Variants in CA9 observed in about 807,000 individuals in gnomAD.
The protein encoded by CA9 is CA-IX.
CA9 carries 43 observed loss-of-function variants against 51.8 expected under a neutral mutation model. The ratio of observed to expected loss-of-function variants is 0.83; its 90% confidence interval spans 0.65 to 1.07. The LOEUF is 1.07. Among genes scored for constraint, CA9 ranks in the 50% least tolerant of loss-of-function variants. CA9 has a pLI of 0.00. For synonymous variants in CA9, 253 were observed against 244.2 expected (o/e 1.04, Z -0.34); for missense variants, 574 against 581.4 (o/e 0.99, Z 0.13).
chr9:35,674,241 T>A lies in CA9; in HGVS notation c.282T>A (p.Asp94Glu). Residue 94 changes from aspartate to glutamate, a missense_variant, in exon 1 of 11, where the codon GAT becomes GAA. Coordinates refer to ENST00000378357, the MANE Select transcript of CA9 (RefSeq NM_001216.3). ...AGGAGGATCTACCTGGAGAGGAGGA[T>A]CTACCTGAAGTTAAGCCTAAATCAG... ...PGEEDLPGEE[D>E]LPEVKPKSEE... is the part of the protein sequence containing the mutation. 1.2e-6 allele frequency: 2 copies of A among 1,614,096 alleles called. No individual in the cohort carries two copies. The highest frequency in any genetic ancestry group is 1.7e-6 in the Non-Finnish European group (2 of 1,179,998).
Position 35,675,192 on chromosome 9 carries a change from C to A in CA9, c.404-346C>A, listed in dbSNP as rs1484855911. On this transcript the variant is annotated intron_variant, in intron 1 of 10. Coordinates refer to ENST00000378357, the MANE Select transcript of CA9 (RefSeq NM_001216.3). ...TATTTTTAGTAGAGACGGGGTTTCG[C>A]CATGTTGGTCAGGCTGGTCTCGAAC... 2 of 276,730 alleles carry A rather than the reference C, an allele frequency of 7.2e-6. 1 individual carries two copies. The highest frequency in any genetic ancestry group is 1.4e-5 in the Non-Finnish European group (2 of 146,054). The allele number at this position is 276,730 out of a possible 1,614,324, so 17.1% of individuals were successfully genotyped here.
chr9:35,676,438 C>A, intron 5 of CA9, 49 bp downstream of exon 5: 1 of 1,452,686 alleles, frequency 6.9e-7, no homozygotes, highest in Non-Finnish European at 9.6e-7. Flanking sequence ...ATCCCATGCT[C>A]CTCCCGGACT....
chr9:35,676,454 G>C, intron 5 of CA9, 65 bp downstream of exon 5: 1 of 1,342,370 alleles, frequency 7.4e-7, no homozygotes, highest in South Asian at 1.3e-5. Context: ...GGACTCTATC[G>C]TGGAGCCAGA....
intron 7 of CA9, 107 bp from the exon 8 acceptor site, chr9:35,679,747 A>T: frequency 9.6e-7 from 1 of 1,039,908 alleles, no homozygotes; most frequent in Non-Finnish European, 1.4e-6. Context: ...GATGGGGAAT[A>T]CAGGAGCTGG....
At chr9:35,679,448 C>T (rs887314808) in intron 7 of CA9, 106 bp downstream of exon 7, 52 of 1,384,570 alleles carry the variant, frequency 3.8e-5, no homozygotes, top group Middle Eastern at 2.3e-4. Flanking sequence ...CTGTGGCTTA[C>T]GCCTATAATC....
chr9:35,677,784 C>T lies in CA9; in HGVS notation c.841-6C>T. 2.5e-6 allele frequency: 4 copies of T among 1,613,290 alleles called. No homozygotes were observed. The highest frequency in any genetic ancestry group is 3.4e-6 in the Non-Finnish European group (4 of 1,179,212). ...CACTCATCTGTCTTACAATGTCATC[C>T]CCCAGGAGGGCCCGGAAGAAAACAG... On this transcript the variant is annotated splice_polypyrimidine_tract_variant and splice_region_variant and intron_variant, in intron 5 of 10. Transcript: ENST00000378357.
chr9:35,675,658 T>TTGCCC, intron 2 of CA9, 91 bp downstream of exon 2: 12 of 1,407,034 alleles, frequency 8.5e-6, no homozygotes, highest in East Asian at 4.7e-5. Flanking sequence ...GTCCCGGGCG[T>TTGCCC]CCCACCCGCC....
intron 5 of CA9, among the ~76,000 whole-genome samples, chr9:35,677,236 T>A (rs1416394263): frequency 6.6e-6 from 1 of 152,166 alleles, no homozygotes; most frequent in African/African-American, 2.4e-5. Flanking sequence ...ATGTTCATAC[T>A]CTTAGGTTCA....
chr9:35,681,097 G>C lies in CA9; in HGVS notation c.*72G>C. 1.7e-6 allele frequency: 2 copies of C among 1,187,842 alleles called. No homozygotes were observed. Among genetic ancestry groups the C allele is most frequent in the Non-Finnish European group, 2.4e-6 (2 of 846,942 alleles). 73.6% of individuals were successfully genotyped at this position (1,187,842 alleles called of 1,614,324 possible). A position where few individuals can be genotyped will look rare whatever the true frequency, so the allele number is the denominator to read the frequency against. On this transcript the variant is annotated 3_prime_UTR_variant, in exon 11 of 11. Coordinates refer to ENST00000378357, the MANE Select transcript of CA9 (RefSeq NM_001216.3). The stretch of plus-strand genomic sequence containing the variant: ...GGGGAGCCGGTAACTGTCCTGTCCT[G>C]CTCATTATGCCACTTCCTTTTAACT...
At chr9:35,676,715 AGGT>A (rs1267385792) in intron 5 of CA9, among the ~76,000 whole-genome samples, 3 of 152,266 alleles carry the variant, frequency 2.0e-5, no homozygotes, top group Admixed American at 1.3e-4. Flanking sequence ...AAAGAAAAGG[AGGT>A]GTTCATTGCA....
chr9:35,680,048 T>A (rs992130160), intron 8 of CA9, 50 bp downstream of exon 8: 1 of 1,614,064 alleles, frequency 6.2e-7, no homozygotes, highest in African/African-American at 1.3e-5. Flanking sequence ...TATCCTCCCA[T>A]GTGTGTGCCA....
chr9:35,679,820 T>C (rs1824496576), intron 7 of CA9, 34 bp from the exon 8 acceptor site: 1 of 1,547,676 alleles, frequency 6.5e-7, no homozygotes, highest in South Asian at 1.2e-5. Flanking sequence ...TGTCATGCCA[T>C]GAACCCACCC....
chr9:35,678,704 T>C (rs1168901155), intron 6 of CA9, among the ~76,000 whole-genome samples: 2 of 148,612 alleles, frequency 1.3e-5, no homozygotes, highest in Non-Finnish European at 3.0e-5. Context: ...TCTTTTCTTT[T>C]TTTTTTTTTT....
intron 5 of CA9, 84 bp downstream of exon 5, chr9:35,676,473 C>T (rs928548255): frequency 3.6e-6 from 4 of 1,122,524 alleles, no homozygotes; most frequent in Non-Finnish European, 5.2e-6. Context: ...GAGACCCCAT[C>T]CCAGCAAGCT....
At chr9:35,674,833 T>C (rs1456124134) in intron 1 of CA9, 1 of 159,124 alleles carries the variant, frequency 6.3e-6, no homozygotes, top group African/African-American at 2.4e-5. Context: ...ACACAGCAGG[T>C]AGAGAAACGT....
chr9:35,677,766 C>A, intron 5 of CA9, 24 bp from the exon 6 acceptor site: 1 of 1,603,810 alleles, frequency 6.2e-7, no homozygotes, highest in African/African-American at 1.3e-5. Context: ...ATGCACTCAT[C>A]TGTCTTACAA....
At chr9:35,675,674 C>A in intron 2 of CA9, 87 bp from the exon 3 acceptor site, 1 of 1,420,070 alleles carries the variant, frequency 7.0e-7, no homozygotes. Flanking sequence ...CCGCCGCCCA[C>A]CGTCCCACCC....
chr9:35,676,241 G>A, intron 4 of CA9, 35 bp downstream of exon 4: 1 of 1,613,046 alleles, frequency 6.2e-7, no homozygotes, highest in Non-Finnish European at 8.5e-7. Context: ...GGGCAAAGGA[G>A]CGGGGCGGAG....
At chr9:35,675,704 G>A in intron 2 of CA9, 57 bp from the exon 3 acceptor site, 2 of 1,548,058 alleles carry the variant, frequency 1.3e-6, no homozygotes, top group African/African-American at 1.4e-5. Flanking sequence ...TTCTACCCGG[G>A]TTCCCTAAGT....
Sources: gnomAD v4.1 joint callset for allele counts (sites outside exome capture counted in the v4.1 genomes callset) on GRCh38, gnomAD v4.1.1 for gene constraint, MANE v1.5 for transcripts, NCBI Gene and HGNC (gene_info 2026-07-23, HGNC 2026-07-21) for gene names.